GRIK2: variants seen among roughly 807,000 people sequenced by gnomAD.
GRIK2 encodes glutamate ionotropic receptor kainate type subunit 2.
Under a neutral mutation model 100.3 loss-of-function variants are expected in GRIK2, and 32 were observed. The observed-to-expected ratio is 0.32, with a 90% CI of 0.24 to 0.43. The LOEUF is 0.43. Ranked by LOEUF, GRIK2 falls within the 20% of genes least tolerant of loss-of-function variation. GRIK2 has a pLI of 1.00. For synonymous variants in GRIK2, 417 were observed against 389.4 expected (o/e 1.07, Z -0.83); for missense variants, 843 against 1,114.9 (o/e 0.76, Z 3.47).
intron 2 of GRIK2, among the ~76,000 whole-genome samples, chr6:101,617,257 C>A (rs984317459): frequency 2.0e-5 from 3 of 151,648 alleles, no homozygotes; most frequent in African/African-American, 7.2e-5. Flanking sequence ...AGAAACAGAT[C>A]ATCACCAGCA....
chr6:101,660,926 G>A (rs186372875), intron 4 of GRIK2, among the ~76,000 whole-genome samples: 36 of 152,236 alleles, frequency 2.4e-4, no homozygotes, highest in African/African-American at 8.2e-4. Context: ...CTGCTGGGAG[G>A]TGTCTCCCAG....
intron 2 of GRIK2, among the ~76,000 whole-genome samples, chr6:101,612,415 T>G (rs1200467723): frequency 6.6e-6 from 1 of 151,908 alleles, no homozygotes; most frequent in African/African-American, 2.4e-5. Flanking sequence ...TTTTTATTAA[T>G]GTTTGTAAAA....
intron 2 of GRIK2, among the ~76,000 whole-genome samples, chr6:101,572,857 T>C: frequency 7.0e-6 from 1 of 142,300 alleles, no homozygotes; most frequent in African/African-American, 2.6e-5. Flanking sequence ...TTTATTTATT[T>C]TCTGAGACAG....
chr6:101,895,085 T>A (rs1787354784), intron 12 of GRIK2, among the ~76,000 whole-genome samples: 1 of 151,740 alleles, frequency 6.6e-6, no homozygotes, highest in African/African-American at 2.4e-5. Context: ...TAAAAATGCA[T>A]TAGGCTATTT....
chr6:101,453,036 G>A (rs1289624096), intron 2 of GRIK2, among the ~76,000 whole-genome samples: 1 of 151,740 alleles, frequency 6.6e-6, no homozygotes, highest in Non-Finnish European at 1.5e-5. Context: ...TTCTTCTAAG[G>A]ATATTGCTTG....
intron 2 of GRIK2, among the ~76,000 whole-genome samples, chr6:101,576,348 T>C (rs1250408506): frequency 6.6e-6 from 1 of 152,076 alleles, no homozygotes. Context: ...AAAGTCTCAG[T>C]CAATGCTATT....
intron 2 of GRIK2, among the ~76,000 whole-genome samples, chr6:101,490,915 A>G (rs1220720902): frequency 7.0e-6 from 1 of 143,224 alleles, no homozygotes; most frequent in Non-Finnish European, 1.5e-5. Flanking sequence ...TGATGGAGGG[A>G]ATAACAGACA....
intron 2 of GRIK2, among the ~76,000 whole-genome samples, chr6:101,449,329 C>T (rs1770543308): frequency 6.6e-6 from 1 of 151,556 alleles, no homozygotes; most frequent in Non-Finnish European, 1.5e-5. Flanking sequence ...AAAACAACTG[C>T]ATTACTTTAT....
rs1328368935 is a variant in GRIK2 at position 101,490,833 on chromosome 6, A to G, written c.115+91441A>G. ...ACAAAATCCTCAGATTAATATAGGT[A>G]TTGTACTAAGTCCTTCACATGAAAT... On this transcript the variant is annotated intron_variant, in intron 2 of 16. Coordinates refer to ENST00000369134, the MANE Select transcript of GRIK2 (RefSeq NM_021956.5). Among the ~76,000 whole-genome samples the G allele has an allele frequency of 3.4e-5, 5 of 146,490 alleles. 1 individual carries two copies. Among genetic ancestry groups the G allele is most frequent in the Non-Finnish European group, 7.5e-5 (5 of 66,640 alleles).
At chr6:101,905,376 G>A (rs1788150391) in intron 12 of GRIK2, among the ~76,000 whole-genome samples, 1 of 151,606 alleles carries the variant, frequency 6.6e-6, no homozygotes, top group South Asian at 2.1e-4. Context: ...TTAATGGGAA[G>A]TGTTATAGCT....
intron 2 of GRIK2, among the ~76,000 whole-genome samples, chr6:101,512,689 CT>C (rs896165875): frequency 5.3e-5 from 8 of 151,498 alleles, no homozygotes; most frequent in South Asian, 4.2e-4. Context: ...CAATCAACAA[CT>C]TTTTTTTTCT....
chr6:101,789,231 T>C (rs1281425417), intron 7 of GRIK2, among the ~76,000 whole-genome samples: 2 of 152,226 alleles, frequency 1.3e-5, no homozygotes, highest in East Asian at 1.9e-4. Flanking sequence ...TTTGTCAATT[T>C]TGGCTTTTGT....
At chr6:101,665,716 G>A (rs1354759853) in intron 4 of GRIK2, among the ~76,000 whole-genome samples, 1 of 152,178 alleles carries the variant, frequency 6.6e-6, no homozygotes, top group African/African-American at 2.4e-5. Flanking sequence ...GTTTAGTCCA[G>A]TATGTTAGAA....
At chr6:101,710,744 G>A (rs977784262) in intron 7 of GRIK2, among the ~76,000 whole-genome samples, 3 of 151,696 alleles carry the variant, frequency 2.0e-5, no homozygotes, top group Admixed American at 6.6e-5. Flanking sequence ...GTCACAAGAC[G>A]TCCTCATGCT....
chr6:101,973,947 T>C (rs1793213783), intron 14 of GRIK2, among the ~76,000 whole-genome samples: 1 of 151,988 alleles, frequency 6.6e-6, no homozygotes. Flanking sequence ...AACTAATACA[T>C]AGTAATATAT....
At chr6:102,030,858 C>G (rs1769948656) in intron 14 of GRIK2, among the ~76,000 whole-genome samples, 1 of 150,968 alleles carries the variant, frequency 6.6e-6, no homozygotes, top group Non-Finnish European at 1.5e-5. Flanking sequence ...GATATCCCCT[C>G]TGAACTCCAG....
At chr6:101,531,081 AG>A (rs911573821) in intron 2 of GRIK2, among the ~76,000 whole-genome samples, 1 of 152,024 alleles carries the variant, frequency 6.6e-6, no homozygotes, top group African/African-American at 2.4e-5. Context: ...ATTTATCAAA[AG>A]TTATACAGTT....
chr6:101,715,407 G>C (rs1460265209), intron 7 of GRIK2, among the ~76,000 whole-genome samples: 1 of 151,716 alleles, frequency 6.6e-6, no homozygotes, highest in Non-Finnish European at 1.5e-5. Flanking sequence ...AAGATGAAGA[G>C]TTCCCTGGCA....
chr6:101,689,669 C>T (rs963887145), intron 7 of GRIK2, among the ~76,000 whole-genome samples: 1 of 152,054 alleles, frequency 6.6e-6, no homozygotes. Context: ...TACTTCCAAG[C>T]CTGATCTAGT....
Sources: gnomAD v4.1 joint callset for allele counts (sites outside exome capture counted in the v4.1 genomes callset) on GRCh38, gnomAD v4.1.1 for gene constraint, MANE v1.5 for transcripts, NCBI Gene and HGNC (gene_info 2026-07-23, HGNC 2026-07-21) for gene names.